The following DAB1 variants were observed in gnomAD, a reference collection of about 807,000 sequenced individuals.
DAB1 encodes the protein DAB adaptor protein 1.
A neutral mutation model predicts 64.6 loss-of-function variants in DAB1; 15 were observed. That is an observed-to-expected ratio of 0.23 (90% confidence interval 0.16 to 0.36). DAB1 has a LOEUF of 0.36. DAB1 is among the 10% of genes least tolerant of loss of function. The pLI is 1.00. For missense variants in DAB1, 596 were observed against 706.7 expected (o/e 0.84, Z 1.78); for synonymous variants, 235 against 251.9 (o/e 0.93, Z 0.64).
intron 3 of DAB1, among the ~76,000 whole-genome samples, chr1:58,369,607 C>T (rs1644246679): frequency 6.6e-6 from 1 of 152,198 alleles, no homozygotes; most frequent in African/African-American, 2.4e-5. Context: ...AGCCACATGC[C>T]TAGCATGGGC....
At position 58,490,784 on chromosome 1, in the gene DAB1, T is replaced by C. The variant is rs567186799; in HGVS notation, n.257+15276A>G. 3.2e-3 allele frequency among the ~76,000 whole-genome samples: 427 copies of C among 135,164 alleles called. 1 individual carries two copies. Among genetic ancestry groups the C allele is most frequent in the Non-Finnish European group, 5.4e-3 (344 of 63,964 alleles). The allele number at this position is 135,164 out of a possible 152,430, so 88.7% of individuals were successfully genotyped here. On this transcript the variant is annotated intron_variant and non_coding_transcript_variant, in intron 3 of 20. Coordinates refer to the DAB1 transcript ENST00000485760. ...CAAGCCAGAAGAGAGTGGGGGCCAA[T>C]AGTCAACATTCTTTTTTTTTTTTTT...
intron 5 of DAB1, among the ~76,000 whole-genome samples, chr1:58,089,638 A>C (rs1287018038): frequency 6.6e-6 from 1 of 152,234 alleles, no homozygotes; most frequent in Non-Finnish European, 1.5e-5. Flanking sequence ...AAAGAGAAAC[A>C]TTGCAGGGAA....
At chr1:58,148,915 C>A (rs899040983) in intron 5 of DAB1, among the ~76,000 whole-genome samples, 1 of 152,142 alleles carries the variant, frequency 6.6e-6, no homozygotes, top group Non-Finnish European at 1.5e-5. Flanking sequence ...AGACCATGAT[C>A]TCCCCTGTCT....
intron 2 of DAB1, among the ~76,000 whole-genome samples, chr1:57,256,310 G>C (rs1028493461): frequency 6.6e-6 from 1 of 152,142 alleles, no homozygotes; most frequent in Admixed American, 6.5e-5. Flanking sequence ...ATAGAGACAG[G>C]ATCTGGAAAA....
intron 6 of DAB1, among the ~76,000 whole-genome samples, chr1:57,799,926 A>G (rs1370222632): frequency 1.3e-5 from 2 of 152,198 alleles, no homozygotes; most frequent in African/African-American, 2.4e-5. Context: ...CACAAAGCCT[A>G]AATATTTACT....
At chr1:57,881,472 C>G (rs376763485) in intron 1 of DAB1, among the ~76,000 whole-genome samples, 51 of 152,286 alleles carry the variant, frequency 3.3e-4, no homozygotes, top group African/African-American at 1.2e-3. Context: ...CCCAGATTTG[C>G]AAATAAATAT....
At chr1:57,540,284 G>C (rs997214102) in intron 7 of DAB1, among the ~76,000 whole-genome samples, 1 of 152,010 alleles carries the variant, frequency 6.6e-6, no homozygotes, top group African/African-American at 2.4e-5. Context: ...TTATCAAAGA[G>C]ACAAAAAAAT....
intron 7 of DAB1, among the ~76,000 whole-genome samples, chr1:57,444,599 T>C (rs956528901): frequency 6.6e-6 from 1 of 152,168 alleles, no homozygotes; most frequent in Non-Finnish European, 1.5e-5. Context: ...CTGGATTATA[T>C]AGGTGAGCCC....
rs144371575 is a variant in DAB1, at chr1:58,267,788, C to T, written n.309+75564G>A. ...ATGAAATCATTCCTAAAACCCTCTT[C>T]GAAAAGTTCTTGCTTCCATGCATTA... On this transcript the variant is annotated intron_variant and non_coding_transcript_variant, in intron 4 of 20. Coordinates refer to the DAB1 transcript ENST00000485760. Among the ~76,000 whole-genome samples the T allele has an allele frequency of 4.3e-4, 66 of 152,290 alleles. No individual in the cohort carries two copies. The East Asian group carries it at 0.01, about 24-fold the overall frequency.
At position 58,219,143 on chromosome 1, in the gene DAB1, GC is replaced by G. The variant is rs568777560; in HGVS notation, n.310-68556del. ...AAAAGGGCTCTGCACCCACAGCCCA[GC>G]TTCCCAAGGCTCCTCCTCTGTCTAC... On this transcript the variant is annotated intron_variant and non_coding_transcript_variant, in intron 4 of 20. Coordinates refer to the DAB1 transcript ENST00000485760. 1.9e-3 allele frequency among the ~76,000 whole-genome samples: 293 copies of G among 152,070 alleles called. 1 individual carries two copies. Among genetic ancestry groups the G allele is most frequent in the African/African-American group, 6.4e-3 (267 of 41,466 alleles).
intron 4 of DAB1, among the ~76,000 whole-genome samples, chr1:58,289,835 T>G (rs1311765058): frequency 1.3e-5 from 2 of 152,192 alleles, no homozygotes; most frequent in Non-Finnish European, 2.9e-5. Flanking sequence ...ACAAATCACA[T>G]TGATATAAAT....
chr1:57,654,278 T>C (rs183008249), intron 6 of DAB1, among the ~76,000 whole-genome samples: 1 of 152,126 alleles, frequency 6.6e-6, no homozygotes, highest in African/African-American at 2.4e-5. Flanking sequence ...ACATGTGCCA[T>C]GGAAAAACTG....
intron 4 of DAB1, among the ~76,000 whole-genome samples, chr1:58,196,196 A>T (rs1389822806): frequency 6.6e-6 from 1 of 152,228 alleles, no homozygotes; most frequent in East Asian, 1.9e-4. Context: ...TTACAAGCAT[A>T]GGAAGTAGCA....
rs1020088563 is a variant in DAB1 at position 58,118,190 on chromosome 1, A to G, written n.387+32321T>C. Reference sequence around the variant, plus strand: ...CCTTCCAAAGTGCTAGAATTACAGGAGTGGGCCACCGCACCCGGTCAGGCC... The same window carrying G: ...CCTTCCAAAGTGCTAGAATTACAGGGGTGGGCCACCGCACCCGGTCAGGCC... On this transcript the variant is annotated intron_variant and non_coding_transcript_variant, in intron 5 of 20. Transcript: ENST00000485760. 1.3e-5 allele frequency among the ~76,000 whole-genome samples: 2 copies of G among 151,254 alleles called. 1 individual carries two copies. The highest frequency in any genetic ancestry group is 2.9e-5 in the Non-Finnish European group (2 of 67,844).
In DAB1 at chr1:58,332,117, TA is replaced by T. The variant is rs572816415; in HGVS notation, n.309+11234del. 7.7e-4 allele frequency among the ~76,000 whole-genome samples: 117 copies of T among 152,340 alleles called. No individual in the cohort carries two copies. In the Middle Eastern group the frequency reaches 0.014, roughly 18 times the overall value. On this transcript the variant is annotated intron_variant and non_coding_transcript_variant, in intron 4 of 20. Transcript: ENST00000485760. ...CCTCTGTACCATATATGGCTTATACTAAGATTGTCAGTGATCTCGATGTGGC... is the reference window on the plus strand; with the variant it reads ...CCTCTGTACCATATATGGCTTATACTAGATTGTCAGTGATCTCGATGTGGC...
intron 5 of DAB1, among the ~76,000 whole-genome samples, chr1:57,971,779 G>A (rs575708743): frequency 1.3e-5 from 2 of 152,236 alleles, no homozygotes; most frequent in South Asian, 4.1e-4. Context: ...GTGAATGGTG[G>A]GTCTGAAATC....
chr1:57,455,948 C>G (rs529726173), intron 7 of DAB1, among the ~76,000 whole-genome samples: 1 of 152,134 alleles, frequency 6.6e-6, no homozygotes, highest in Non-Finnish European at 1.5e-5. Flanking sequence ...TTAAAAATTT[C>G]TTTGAAATTA....
chr1:57,053,634 A>G (rs995819208), intron 9 of DAB1, among the ~76,000 whole-genome samples: 1 of 126,562 alleles, frequency 7.9e-6, no homozygotes, highest in Non-Finnish European at 1.6e-5. Flanking sequence ...TATGCCAACC[A>G]TCTAAGAATC....
At chr1:57,102,437 G>A (rs1258834054) in intron 4 of DAB1, among the ~76,000 whole-genome samples, 1 of 152,164 alleles carries the variant, frequency 6.6e-6, no homozygotes, top group Non-Finnish European at 1.5e-5. Context: ...TTATATTAAT[G>A]CACTATAATG....
Sources: gnomAD v4.1 joint callset for allele counts (sites outside exome capture counted in the v4.1 genomes callset) on GRCh38, gnomAD v4.1.1 for gene constraint, MANE v1.5 for transcripts, NCBI Gene and HGNC (gene_info 2026-07-23, HGNC 2026-07-21) for gene names.